Variants in MYO9A observed in about 807,000 individuals in gnomAD.
The protein encoded by MYO9A is unconventional myosin-IXa.
A neutral mutation model predicts 293.3 loss-of-function variants in MYO9A; 103 were observed. That is an observed-to-expected ratio of 0.35 (90% CI 0.30 to 0.41). MYO9A has a LOEUF of 0.41. Ranked by LOEUF, MYO9A falls within the 10% of genes least tolerant of loss-of-function variation. The pLI, the probability that MYO9A is intolerant of heterozygous loss-of-function variation, is 1.00. For synonymous variants in MYO9A, 1,001 were observed against 1,035.7 expected (o/e 0.97, Z 0.64); for missense variants, 2,685 against 3,033.0 (o/e 0.89, Z 2.69).
At chr15:72,115,154 G>C (rs1332496702) in intron 1 of MYO9A, among the ~76,000 whole-genome samples, 2 of 152,142 alleles carry the variant, frequency 1.3e-5, no homozygotes, top group African/African-American at 4.8e-5. Flanking sequence ...GTTTTTTAAA[G>C]GCACTTAATC....
intron 15 of MYO9A, among the ~76,000 whole-genome samples, chr15:71,941,075 C>G (rs573928717): frequency 3.9e-5 from 6 of 152,238 alleles, no homozygotes; most frequent in African/African-American, 1.4e-4. Flanking sequence ...ATACTAAACA[C>G]TTATGATGGA....
At chr15:71,851,208 C>G in intron 37 of MYO9A, 45 bp downstream of exon 37, 1 of 1,412,080 alleles carries the variant, frequency 7.1e-7, no homozygotes, top group Non-Finnish European at 9.9e-7. Flanking sequence ...TTAAAATAAT[C>G]CAAGAGAAAC....
intron 41 of MYO9A, among the ~76,000 whole-genome samples, chr15:71,827,292 A>G (rs1001218559): frequency 6.6e-6 from 1 of 152,182 alleles, no homozygotes; most frequent in African/African-American, 2.4e-5. Context: ...AACAGTCACT[A>G]TCATTTCAAA....
At chr15:71,892,944 C>T in intron 26 of MYO9A, 1 of 1,223,844 alleles carries the variant, frequency 8.2e-7, no homozygotes, top group Non-Finnish European at 1.0e-6. Context: ...TGCTATTTTT[C>T]TTATATTGCT....
Position 71,959,748 on chromosome 15 carries a change from C to T in MYO9A, c.2182+153G>A, listed in dbSNP as rs537630715. 1.7e-5 allele frequency: 11 copies of T among 646,508 alleles called. No individual in the cohort carries two copies. In the South Asian group the frequency reaches 2.2e-4, roughly 13 times the overall value. The allele number at this position is 646,508 out of a possible 1,614,324, so 40.0% of individuals were successfully genotyped here. On this transcript the variant is annotated intron_variant, in intron 14 of 41. Transcript: ENST00000356056. ...AGAAAAACTGTTCATAGTCACAAAT[C>T]AGTTAAGAGATGACACTAGATTGAC... is the stretch of plus-strand genomic sequence containing the variant.
chr15:71,859,887 T>C (rs1313852818), intron 33 of MYO9A, 91 bp from the exon 34 acceptor site: 3 of 1,093,822 alleles, frequency 2.7e-6, no homozygotes, highest in Non-Finnish European at 4.0e-6. Context: ...GACCTACGTT[T>C]TTTTCTTTAA....
intron 38 of MYO9A, 143 bp downstream of exon 38, chr15:71,849,893 A>C (rs1405803988): frequency 1.1e-6 from 1 of 903,674 alleles, no homozygotes; most frequent in Non-Finnish European, 1.6e-6. Context: ...CATCCTCAGC[A>C]TAAGAAAACC....
Position 72,118,132 on chromosome 15 carries a change from G to A in MYO9A, c.-524C>T. 2.6e-6 allele frequency: 1 copy of A among 379,888 alleles called. No homozygotes were observed. The highest frequency in any genetic ancestry group is 4.7e-6 in the Non-Finnish European group (1 of 214,504). The allele number at this position is 379,888 out of a possible 1,614,324, so 23.5% of individuals were successfully genotyped here. A position where few individuals can be genotyped will look rare whatever the true frequency, so the allele number is the denominator to read the frequency against. On this transcript the variant is annotated 5_prime_UTR_variant, in exon 1 of 42. Coordinates refer to ENST00000356056, the MANE Select transcript of MYO9A (RefSeq NM_006901.4). The stretch of plus-strand genomic sequence containing the variant: ...CGCCCCGCGCGACTCCCCGGCTGCA[G>A]GCGAGCAGGCGCGCGCGCACTTACC...
intron 19 of MYO9A, among the ~76,000 whole-genome samples, chr15:71,913,517 T>C (rs981505327): frequency 6.6e-6 from 1 of 152,254 alleles, no homozygotes; most frequent in Admixed American, 6.5e-5. Flanking sequence ...AAAAGATACA[T>C]TATAGCTAAT....
intron 1 of MYO9A, among the ~76,000 whole-genome samples, chr15:72,058,454 C>CA (rs1050773117): frequency 7.3e-5 from 11 of 150,734 alleles, no homozygotes; most frequent in Admixed American, 2.7e-4. Flanking sequence ...ACCTAAAGAG[C>CA]AAAAAAAACT....
chr15:72,001,375 G>A (rs1025866516), intron 8 of MYO9A, among the ~76,000 whole-genome samples: 3 of 151,738 alleles, frequency 2.0e-5, no homozygotes, highest in Admixed American at 2.0e-4. Flanking sequence ...GCCAACATGG[G>A]AAATCCTGTC....
At chr15:72,117,536 G>A (rs2081038948) in intron 1 of MYO9A, 144 bp downstream of exon 1, 1 of 351,466 alleles carries the variant, frequency 2.8e-6, no homozygotes. Flanking sequence ...GCCGTGATCT[G>A]GTGTTTGGGA....
At chr15:72,005,876 C>A (rs777773040) in intron 8 of MYO9A, among the ~76,000 whole-genome samples, 2 of 152,112 alleles carry the variant, frequency 1.3e-5, no homozygotes, top group African/African-American at 4.8e-5. Flanking sequence ...AAGGTTAAAC[C>A]ACATGAAGTG....
At chr15:71,902,705 T>A (rs545503378) in intron 22 of MYO9A, among the ~76,000 whole-genome samples, 2 of 152,268 alleles carry the variant, frequency 1.3e-5, no homozygotes, top group South Asian at 4.1e-4. Flanking sequence ...GAGATTACAG[T>A]AGAGTATCTA....
chr15:72,024,985 T>G (rs1174378910), intron 4 of MYO9A, among the ~76,000 whole-genome samples: 1 of 152,114 alleles, frequency 6.6e-6, no homozygotes, highest in Non-Finnish European at 1.5e-5. Context: ...ACCTTATCAA[T>G]AATTACATTA....
intron 15 of MYO9A, among the ~76,000 whole-genome samples, chr15:71,941,437 A>AAAC (rs566295762): frequency 2.4e-4 from 37 of 152,110 alleles, no homozygotes; most frequent in South Asian, 6.2e-4. Flanking sequence ...TCCATCTCAA[A>AAAC]AACAACAACA....
At chr15:71,936,581 C>T (rs1202562337) in intron 16 of MYO9A, among the ~76,000 whole-genome samples, 1 of 152,016 alleles carries the variant, frequency 6.6e-6, no homozygotes, top group African/African-American at 2.4e-5. Context: ...GGTATCAAAA[C>T]ATCACACTGT....
chr15:72,050,783 A>G (rs2078536665), intron 1 of MYO9A, among the ~76,000 whole-genome samples: 1 of 151,840 alleles, frequency 6.6e-6, no homozygotes, highest in Non-Finnish European at 1.5e-5. Context: ...CTCACTTTCT[A>G]CTCCCTTACC....
At chr15:72,038,774 T>C (rs1427589969) in intron 2 of MYO9A, among the ~76,000 whole-genome samples, 1 of 152,214 alleles carries the variant, frequency 6.6e-6, no homozygotes, top group Non-Finnish European at 1.5e-5. Context: ...ACCATGTGTA[T>C]TATGACGTGA....
Sources: gnomAD v4.1 joint callset for allele counts (sites outside exome capture counted in the v4.1 genomes callset) on GRCh38, gnomAD v4.1.1 for gene constraint, MANE v1.5 for transcripts, NCBI Gene and HGNC (gene_info 2026-07-23, HGNC 2026-07-21) for gene names.